TSPAN16: variants seen among roughly 807,000 people sequenced by gnomAD.
The protein encoded by TSPAN16 is tetraspanin-16.
In TSPAN16, 23 loss-of-function variants were observed where a neutral mutation model predicts 25.2. That is an observed-to-expected ratio of 0.91 (90% CI 0.66 to 1.29). The LOEUF (loss-of-function observed/expected upper bound fraction) is 1.29, where lower values mean the gene tolerates loss of function less well. Ranked by LOEUF, TSPAN16 falls within the 50% of genes most tolerant of loss-of-function variation. The pLI is 0.00. For synonymous variants in TSPAN16, 123 were observed against 124.4 expected (o/e 0.99, Z 0.08); for missense variants, 272 against 299.9 (o/e 0.91, Z 0.69).
At chr19:11,318,360 C>A (rs2080759581), downstream of TSPAN16, among the ~76,000 whole-genome samples, 1 of 151,906 alleles carries the variant, frequency 6.6e-6, no homozygotes, top group Admixed American at 6.6e-5. Flanking sequence ...CGGGGTTTCA[C>A]TTTGTTAGCC....
At chr19:11,317,760 T>G (rs1300901834), downstream of TSPAN16, among the ~76,000 whole-genome samples, 1 of 150,454 alleles carries the variant, frequency 6.6e-6, no homozygotes, top group Non-Finnish European at 1.5e-5. Flanking sequence ...GAGGTGGAGG[T>G]TGCAGTGAGC....
chr19:11,321,885 T>C (rs1462098306), intron 6 of TSPAN16, among the ~76,000 whole-genome samples: 2 of 152,132 alleles, frequency 1.3e-5, no homozygotes, highest in East Asian at 3.8e-4. Flanking sequence ...CCTCCCTACC[T>C]TCCATATAAC....
chr19:11,325,394 A>G lies in TSPAN16; in HGVS notation c.688-1400A>G. 3 of 1,318,466 alleles carry G rather than the reference A, an allele frequency of 2.3e-6. No homozygotes were observed. In the African/African-American group the frequency reaches 5.8e-5, roughly 25 times the overall value. 81.7% of individuals were successfully genotyped at this position (1,318,466 alleles called of 1,614,324 possible). The stretch of plus-strand genomic sequence containing the variant: ...AGGGGTGGGTGGGGGGTTGGGGGCC[A>G]TCTCTAGCAGCTGCAGCTGCTGGGC... On this transcript the variant is annotated intron_variant, in intron 6 of 6. Transcript: ENST00000316737.
chr19:11,300,014 AAAAG>A (rs2080526933), intron 3 of TSPAN16, among the ~76,000 whole-genome samples: 1 of 152,014 alleles, frequency 6.6e-6, no homozygotes, highest in South Asian at 2.1e-4. Context: ...AAGAAAAGAA[AAAAG>A]AAAGATTGCA....
intron 4 of TSPAN16, among the ~76,000 whole-genome samples, chr19:11,303,547 G>T (rs372701376): frequency 5.2e-5 from 5 of 95,252 alleles, no homozygotes; most frequent in Admixed American, 3.9e-4. Context: ...ACCCAAGAAT[G>T]ATCAATAAAA....
chr19:11,296,725 A>T (rs1401613963), intron 1 of TSPAN16, among the ~76,000 whole-genome samples: 1 of 152,252 alleles, frequency 6.6e-6, no homozygotes, highest in African/African-American at 2.4e-5. Context: ...CCGTAAAAGT[A>T]ACCCGAAATG....
chr19:11,297,494 T>TATTTTATTTC (rs2080491570), intron 1 of TSPAN16, among the ~76,000 whole-genome samples: 1 of 151,634 alleles, frequency 6.6e-6, no homozygotes, highest in Non-Finnish European at 1.5e-5. Context: ...TATTTTATTT[T>TATTTTATTTC]ATTTTATTTT....
chr19:11,305,187 CCTG>C (rs2080612327), intron 4 of TSPAN16, among the ~76,000 whole-genome samples: 1 of 152,108 alleles, frequency 6.6e-6, no homozygotes, highest in Admixed American at 6.6e-5. Flanking sequence ...TTATTGAGCA[CCTG>C]CTATGAGTCA....
chr19:11,300,550 G>GC (rs1217834095), intron 3 of TSPAN16, among the ~76,000 whole-genome samples: 5 of 152,174 alleles, frequency 3.3e-5, no homozygotes, highest in African/African-American at 9.7e-5. Flanking sequence ...GTCGAGAACA[G>GC]CCAGACGCAG....
chr19:11,304,133 A>G (rs2080600207), intron 4 of TSPAN16, among the ~76,000 whole-genome samples: 1 of 151,208 alleles, frequency 6.6e-6, no homozygotes, highest in African/African-American at 2.5e-5. Context: ...AGGTGGTGAG[A>G]CTCCCATCTT....
rs745734117 is a variant in TSPAN16 at position 11,296,403 on chromosome 19, A to C, written c.69+37A>C. Reference sequence around the variant, plus strand: ...ACAATCCAGGCCCCTGGTTTGTTGCAGCCCTTCCTCCACAGTCAGCTCCCT... The same window carrying C: ...ACAATCCAGGCCCCTGGTTTGTTGCCGCCCTTCCTCCACAGTCAGCTCCCT... On this transcript the variant is annotated intron_variant, in intron 1 of 6. Transcript: ENST00000590327. 2.7e-5 allele frequency: 43 copies of C among 1,602,200 alleles called. No homozygotes were observed. In the East Asian group the frequency reaches 8.3e-4, roughly 31 times the overall value.
intron 4 of TSPAN16, among the ~76,000 whole-genome samples, chr19:11,302,029 G>C (rs2080556853): frequency 6.6e-6 from 1 of 151,842 alleles, no homozygotes; most frequent in African/African-American, 2.4e-5. Flanking sequence ...TCACCATATG[G>C]GTCAGGCTGG....
chr19:11,313,431 G>A (rs2080714274), intron 6 of TSPAN16, among the ~76,000 whole-genome samples: 1 of 151,830 alleles, frequency 6.6e-6, no homozygotes, highest in Admixed American at 6.6e-5. Flanking sequence ...GGTTGCTGAG[G>A]CAGGAGAATC....
intron 5 of TSPAN16, among the ~76,000 whole-genome samples, chr19:11,307,468 G>A (rs772072786): frequency 2.5e-4 from 37 of 150,966 alleles, no homozygotes; most frequent in Non-Finnish European, 4.7e-4. Context: ...GCCCAGGCAG[G>A]AGTGCAATGG....
chr19:11,315,965 C>T lies in TSPAN16; in HGVS notation c.*127C>T, dbSNP rs2147958333. 8.1e-7 allele frequency: 1 copy of T among 1,227,208 alleles called. No individual in the cohort carries two copies. Among genetic ancestry groups the T allele is most frequent in the Non-Finnish European group, 1.0e-6 (1 of 985,212 alleles). 76.0% of individuals were successfully genotyped at this position (1,227,208 alleles called of 1,614,324 possible). On this transcript the variant is annotated 3_prime_UTR_variant, in exon 7 of 7. Transcript: ENST00000590327. ...ACTGTTAATAAAAGATTTGGGAACC[C>T]CCTGTCCAGCCTGACTTCTTTCTCC...
At chr19:11,297,850 G>C (rs1444135326) in intron 1 of TSPAN16, among the ~76,000 whole-genome samples, 1 of 152,026 alleles carries the variant, frequency 6.6e-6, no homozygotes, top group Non-Finnish European at 1.5e-5. Flanking sequence ...GGAGTACAGT[G>C]GCACAGTCAT....
chr19:11,297,664 T>G (rs530223816), intron 1 of TSPAN16, among the ~76,000 whole-genome samples: 129 of 152,060 alleles, frequency 8.5e-4, no homozygotes, highest in African/African-American at 3.0e-3. Context: ...GCCCGGCCAA[T>G]TTTTGTATTT....
At chr19:11,317,068 G>T (rs1004988639), downstream of TSPAN16, among the ~76,000 whole-genome samples, 3 of 151,976 alleles carry the variant, frequency 2.0e-5, no homozygotes, top group African/African-American at 7.3e-5. Context: ...CTCCCAAAGC[G>T]CTGGGATTAC....
intron 5 of TSPAN16, chr19:11,308,196 C>T (rs1243524803): frequency 2.0e-5 from 3 of 152,204 alleles, no homozygotes; most frequent in African/African-American, 7.2e-5. Flanking sequence ...ACCCCAGTTC[C>T]CCCTTAACTT....
Sources: gnomAD v4.1 joint callset for allele counts (sites outside exome capture counted in the v4.1 genomes callset) on GRCh38, gnomAD v4.1.1 for gene constraint, MANE v1.5 for transcripts, NCBI Gene and HGNC (gene_info 2026-07-23, HGNC 2026-07-21) for gene names.